The following IL1RAPL2 variants were observed in gnomAD, a reference collection of about 807,000 sequenced individuals.
IL1RAPL2 encodes interleukin 1 receptor accessory protein like 2.
Under a neutral mutation model 44.1 loss-of-function variants are expected in IL1RAPL2, and 3 were observed. The observed-to-expected ratio is 0.07, with a 90% CI of 0.03 to 0.18. IL1RAPL2 has a LOEUF of 0.18. Among genes scored for constraint, IL1RAPL2 ranks in the 10% least tolerant of loss-of-function variants. IL1RAPL2 has a pLI of 1.00. For missense variants in IL1RAPL2, 391 were observed against 496.4 expected (o/e 0.79, Z 2.02); for synonymous variants, 181 against 178.8 (o/e 1.01, Z -0.10).
intron 2 of IL1RAPL2, among the ~76,000 whole-genome samples, chrX:105,024,233 G>A (rs1416770605): frequency 9.0e-6 from 1 of 111,200 alleles, no homozygotes; most frequent in Non-Finnish European, 1.9e-5. Context: ...TTCTCATTTG[G>A]CACTTTTCCT....
intron 2 of IL1RAPL2, among the ~76,000 whole-genome samples, chrX:105,003,375 C>T (rs2030886534): frequency 2.7e-5 from 3 of 110,896 alleles, no homozygotes; most frequent in Admixed American, 1.9e-4. Flanking sequence ...ATCCTTGCTC[C>T]AGATGCTTCT....
At chrX:104,953,350 A>G (rs998296729) in intron 2 of IL1RAPL2, among the ~76,000 whole-genome samples, 17 of 112,170 alleles carry the variant, frequency 1.5e-4, no homozygotes, top group South Asian at 1.1e-3. Context: ...AAGTTAGAGA[A>G]TCCTTTATAA....
intron 5 of IL1RAPL2, among the ~76,000 whole-genome samples, chrX:105,439,488 G>A (rs756213844): frequency 3.7e-4 from 29 of 78,519 alleles, no homozygotes; most frequent in African/African-American, 8.5e-4. Flanking sequence ...GCCCAAGACC[G>A]TTCCCTTTAC....
intron 5 of IL1RAPL2, among the ~76,000 whole-genome samples, chrX:105,367,780 T>C (rs1468003980): frequency 8.9e-6 from 1 of 111,805 alleles, no homozygotes; most frequent in Non-Finnish European, 1.9e-5. Flanking sequence ...TTTCACACCA[T>C]CATTTCAGTA....
At chrX:104,785,997 C>T (rs1349017145) in intron 2 of IL1RAPL2, among the ~76,000 whole-genome samples, 1 of 112,416 alleles carries the variant, frequency 8.9e-6, no homozygotes, top group African/African-American at 3.2e-5. Flanking sequence ...TTCACTTTGA[C>T]ATCTGCTCTT....
intron 2 of IL1RAPL2, among the ~76,000 whole-genome samples, chrX:105,177,678 G>A (rs138876367): frequency 0.02 from 2,204 of 110,965 alleles, 52 homozygotes; most frequent in African/African-American, 0.069. Flanking sequence ...ATAAAAATAC[G>A]TACCAACTAA....
chrX:104,648,788 C>A (rs1930094734), intron 1 of IL1RAPL2, among the ~76,000 whole-genome samples: 1 of 111,564 alleles, frequency 9.0e-6, no homozygotes, highest in East Asian at 2.8e-4. Context: ...AATACCTTTC[C>A]ATATCCAGCT....
At chrX:104,912,384 A>G (rs941551919) in intron 2 of IL1RAPL2, among the ~76,000 whole-genome samples, 2 of 110,668 alleles carry the variant, frequency 1.8e-5, no homozygotes, top group Non-Finnish European at 3.8e-5. Flanking sequence ...CCTTTCTGCT[A>G]TACCACATGT....
At chrX:104,800,926 C>T (rs949758200) in intron 2 of IL1RAPL2, among the ~76,000 whole-genome samples, 3 of 112,489 alleles carry the variant, frequency 2.7e-5, no homozygotes, top group African/African-American at 9.7e-5. Context: ...GGATATTAGT[C>T]AGGGAAGAGC....
intron 2 of IL1RAPL2, among the ~76,000 whole-genome samples, chrX:105,149,749 G>A (rs1465941358): frequency 1.8e-5 from 2 of 110,214 alleles, no homozygotes; most frequent in Non-Finnish European, 3.8e-5. Flanking sequence ...AGGGAGAATT[G>A]CTTGAACCTG....
intron 5 of IL1RAPL2, among the ~76,000 whole-genome samples, chrX:105,310,896 G>A (rs2147681150): frequency 9.0e-6 from 1 of 111,521 alleles, no homozygotes; most frequent in Non-Finnish European, 1.9e-5. Flanking sequence ...TTCTACCAAT[G>A]CAGAAAAAGG....
chrX:104,963,938 A>G (rs112577518), intron 2 of IL1RAPL2, among the ~76,000 whole-genome samples: 1 of 43,070 alleles, frequency 2.3e-5, no homozygotes, highest in African/African-American at 8.1e-5. Flanking sequence ...TGTGTGTGAG[A>G]GAGAGAGAGA....
chrX:105,044,904 C>T (rs1252849266), intron 2 of IL1RAPL2, among the ~76,000 whole-genome samples: 1 of 111,035 alleles, frequency 9.0e-6, no homozygotes, highest in Non-Finnish European at 1.9e-5. Flanking sequence ...CAACAATGAA[C>T]GTCCCAATGC....
chrX:104,758,290 T>C (rs1350861541), intron 2 of IL1RAPL2, among the ~76,000 whole-genome samples: 1 of 111,951 alleles, frequency 8.9e-6, no homozygotes, highest in African/African-American at 3.2e-5. Context: ...GTTAATAACT[T>C]ATTCTTGGCC....
At chrX:104,686,289 T>C (rs1015341463) in intron 2 of IL1RAPL2, among the ~76,000 whole-genome samples, 10 of 112,391 alleles carry the variant, frequency 8.9e-5, no homozygotes, top group African/African-American at 3.2e-4. Context: ...GAAATATTCA[T>C]ATCATTTTAT....
intron 6 of IL1RAPL2, among the ~76,000 whole-genome samples, chrX:105,695,685 G>T (rs1569466498): frequency 9.0e-6 from 1 of 111,302 alleles, no homozygotes; most frequent in Non-Finnish European, 1.9e-5. Flanking sequence ...CAGACATTGT[G>T]TTAGGCATCT....
At chrX:105,001,302 T>C (rs1041402652) in intron 2 of IL1RAPL2, among the ~76,000 whole-genome samples, 1 of 111,469 alleles carries the variant, frequency 9.0e-6, no homozygotes, top group Admixed American at 9.6e-5. Context: ...GCCTCTGCTA[T>C]GATTTGCACA....
At chrX:104,844,871 C>G (rs1266472164) in intron 2 of IL1RAPL2, among the ~76,000 whole-genome samples, 2 of 112,195 alleles carry the variant, frequency 1.8e-5, no homozygotes, top group Non-Finnish European at 3.8e-5. Flanking sequence ...CCTGATTCCT[C>G]TTCTGCCACA....
intron 2 of IL1RAPL2, among the ~76,000 whole-genome samples, chrX:105,079,854 C>T (rs2032377234): frequency 9.0e-6 from 1 of 111,286 alleles, no homozygotes; most frequent in Non-Finnish European, 1.9e-5. Context: ...ACATCCTCTC[C>T]AGCATCTGTT....
Sources: gnomAD v4.1 joint callset for allele counts (sites outside exome capture counted in the v4.1 genomes callset) on GRCh38, gnomAD v4.1.1 for gene constraint, MANE v1.5 for transcripts, NCBI Gene and HGNC (gene_info 2026-07-23, HGNC 2026-07-21) for gene names.